Variants in MPPED2 observed in about 807,000 individuals in gnomAD.
The protein encoded by MPPED2 is metallophosphoesterase domain containing 2.
MPPED2 carries 5 observed loss-of-function variants against 33.0 expected under a neutral mutation model. The observed-to-expected ratio is 0.15, with a 90% CI of 0.08 to 0.32. The LOEUF (loss-of-function observed/expected upper bound fraction) is 0.32, where lower values mean the gene tolerates loss of function less well. Among genes scored for constraint, MPPED2 ranks in the 10% least tolerant of loss-of-function variants. The pLI is 1.00. For missense variants in MPPED2, 275 were observed against 372.1 expected (o/e 0.74, Z 2.15); for synonymous variants, 136 against 141.9 (o/e 0.96, Z 0.29).
At position 30,580,292 on chromosome 11, in the gene MPPED2, G is replaced by A; in HGVS notation, c.82C>T (p.His28Tyr). 1.3e-5 allele frequency: 21 copies of A among 1,614,004 alleles called. No individual in the cohort carries two copies. Among genetic ancestry groups the A allele is most frequent in the Non-Finnish European group, 1.8e-5 (21 of 1,179,956 alleles). ...AATCTGCTCTGGTTGATGTTGTAGT[G>A]CGTGAATGCCTGGGTGGGGTTTGAG... is the stretch of plus-strand genomic sequence containing the variant. ...YSSNPTQAFT[H>Y]YNINQSRFQP... The change falls in exon 2 of 7, where the codon CAC (histidine) becomes TAC (tyrosine). Residue 28 changes from histidine (H) to tyrosine (Y), a missense_variant. Coordinates refer to ENST00000358117, the MANE Select transcript of MPPED2 (RefSeq NM_001584.3).
chr11:30,526,068 A>C (rs1186332148), intron 3 of MPPED2, among the ~76,000 whole-genome samples: 1 of 152,174 alleles, frequency 6.6e-6, no homozygotes, highest in African/African-American at 2.4e-5. Flanking sequence ...TTTTGTCCTT[A>C]TTGGAAAGAT....
intron 4 of MPPED2, among the ~76,000 whole-genome samples, chr11:30,428,430 T>C (rs1948938726): frequency 6.6e-6 from 1 of 152,198 alleles, no homozygotes; most frequent in South Asian, 2.1e-4. Context: ...TCCCAGCTAC[T>C]TGAGAGGCTG....
At chr11:30,395,081 A>G (rs554169799) in intron 6 of MPPED2, among the ~76,000 whole-genome samples, 1 of 152,270 alleles carries the variant, frequency 6.6e-6, no homozygotes, top group South Asian at 2.1e-4. Flanking sequence ...CACCAGTACC[A>G]TAGTATCTTG....
intron 4 of MPPED2, among the ~76,000 whole-genome samples, chr11:30,466,267 C>A (rs1950704320): frequency 6.6e-6 from 1 of 152,210 alleles, no homozygotes; most frequent in Non-Finnish European, 1.5e-5. Flanking sequence ...CCCTTTGAAT[C>A]AGGATTCAGC....
At chr11:30,412,223 G>C (rs185223556) in intron 6 of MPPED2, among the ~76,000 whole-genome samples, 148 of 149,594 alleles carry the variant, frequency 9.9e-4, no homozygotes, top group African/African-American at 3.6e-3. Flanking sequence ...CTAGGTCACT[G>C]TTTCCTAAGC....
intron 2 of MPPED2, among the ~76,000 whole-genome samples, chr11:30,543,312 C>T (rs1394242993): frequency 6.6e-6 from 1 of 152,182 alleles, no homozygotes; most frequent in Non-Finnish European, 1.5e-5. Flanking sequence ...AGAGCCCTGG[C>T]TGTGGAATCC....
intron 2 of MPPED2, among the ~76,000 whole-genome samples, chr11:30,560,394 G>T (rs1956186598): frequency 6.6e-6 from 1 of 151,628 alleles, no homozygotes; most frequent in African/African-American, 2.4e-5. Flanking sequence ...AACCAACACT[G>T]ACTGGCATTT....
chr11:30,563,093 C>T (rs1245520705), intron 2 of MPPED2, among the ~76,000 whole-genome samples: 8 of 152,144 alleles, frequency 5.3e-5, no homozygotes, highest in Admixed American at 3.9e-4. Flanking sequence ...CATGCTACTT[C>T]TAATAAATAC....
At chr11:30,512,876 C>T (rs1165131984) in intron 3 of MPPED2, among the ~76,000 whole-genome samples, 1 of 152,042 alleles carries the variant, frequency 6.6e-6, no homozygotes, top group East Asian at 1.9e-4. Context: ...TGGTGTACAC[C>T]TGTGATCGCA....
chr11:30,468,227 T>TACACACAC (rs1491560438), intron 4 of MPPED2, among the ~76,000 whole-genome samples: 28 of 101,330 alleles, frequency 2.8e-4, no homozygotes, highest in African/African-American at 9.6e-4. Flanking sequence ...TATGGCATAC[T>TACACACAC]ATACACACAC....
chr11:30,580,072 T>C (rs1438029651), intron 2 of MPPED2, among the ~76,000 whole-genome samples, 174 bp downstream of exon 2: 1 of 152,228 alleles, frequency 6.6e-6, no homozygotes, highest in Non-Finnish European at 1.5e-5. Flanking sequence ...TTTGAAATGT[T>C]ACACAGATGT....
chr11:30,569,232 G>A (rs1259002826), intron 2 of MPPED2, among the ~76,000 whole-genome samples: 1 of 152,026 alleles, frequency 6.6e-6, no homozygotes, highest in Non-Finnish European at 1.5e-5. Flanking sequence ...ACTCCCACGG[G>A]ATTATTATTT....
chr11:30,420,797 T>C (rs1407720616), intron 4 of MPPED2, among the ~76,000 whole-genome samples: 1 of 152,172 alleles, frequency 6.6e-6, no homozygotes, highest in South Asian at 2.1e-4. Flanking sequence ...TTCCTCACCT[T>C]CAGGTTCTTA....
At chr11:30,582,452 T>C (rs1357132161) in intron 1 of MPPED2, among the ~76,000 whole-genome samples, 2 of 152,202 alleles carry the variant, frequency 1.3e-5, no homozygotes, top group African/African-American at 4.8e-5. Context: ...TGTGAAATAC[T>C]GAACATTAAG....
At chr11:30,496,996 A>C (rs1426927581) in intron 3 of MPPED2, among the ~76,000 whole-genome samples, 1 of 152,168 alleles carries the variant, frequency 6.6e-6, no homozygotes, top group Non-Finnish European at 1.5e-5. Flanking sequence ...GTCTGATAGA[A>C]AATAACACTG....
intron 4 of MPPED2, among the ~76,000 whole-genome samples, chr11:30,435,675 G>T (rs1220346502): frequency 1.3e-5 from 2 of 152,148 alleles, no homozygotes; most frequent in African/African-American, 4.8e-5. Flanking sequence ...CCCTTCCCTA[G>T]ACTGGAATCT....
intron 4 of MPPED2, 103 bp downstream of exon 4, chr11:30,495,193 C>T (rs969345311): frequency 5.3e-5 from 43 of 804,692 alleles, no homozygotes; most frequent in Non-Finnish European, 8.1e-5. Flanking sequence ...ATAAGGTTTC[C>T]TTTCATCCTA....
chr11:30,422,744 C>T (rs1948665429), intron 4 of MPPED2, among the ~76,000 whole-genome samples: 1 of 152,118 alleles, frequency 6.6e-6, no homozygotes, highest in Admixed American at 6.5e-5. Context: ...CACATGGGAA[C>T]CAACTTGTAA....
chr11:30,550,710 G>GCA (rs1478198763), intron 2 of MPPED2, among the ~76,000 whole-genome samples: 5 of 152,218 alleles, frequency 3.3e-5, no homozygotes, highest in African/African-American at 1.2e-4. Flanking sequence ...TAACCAGAAA[G>GCA]CACAGCCTGG....
Sources: allele counts gnomAD v4.1 joint callset (sites outside exome capture counted in the v4.1 genomes callset), GRCh38; gene constraint gnomAD v4.1.1; transcripts MANE v1.5; gene names NCBI Gene and HGNC (gene_info 2026-07-23, HGNC 2026-07-21).